The following CHRM2 variants were observed in gnomAD, a reference collection of about 807,000 sequenced individuals.
CHRM2 encodes the protein muscarinic acetylcholine receptor M2.
In CHRM2, 8 loss-of-function variants were observed where a neutral mutation model predicts 25.0. The observed-to-expected ratio is 0.32, with a 90% confidence interval of 0.19 to 0.58. The LOEUF (loss-of-function observed/expected upper bound fraction) is 0.58. Among genes scored for constraint, CHRM2 ranks in the 20% least tolerant of loss-of-function variants. The pLI is 0.88. For missense variants in CHRM2, 440 were observed against 567.1 expected, an observed-to-expected ratio of 0.78 and a Z score of 2.28; for synonymous variants, 202 against 205.7, an observed-to-expected ratio of 0.98 and a Z score of 0.15.
intron 3 of CHRM2, among the ~76,000 whole-genome samples, chr7:137,000,547 A>G (rs9770528): frequency 1.5e-3 from 143 of 95,166 alleles, no homozygotes; most frequent in Non-Finnish European, 2.5e-3. Context: ...AAAGAAAGAA[A>G]GAAGGAAGGA....
chr7:136,895,373 AT>A (rs1436824896), intron 2 of CHRM2, among the ~76,000 whole-genome samples: 1 of 152,062 alleles, frequency 6.6e-6, no homozygotes, highest in Non-Finnish European at 1.5e-5. Flanking sequence ...CAGTTACCCA[AT>A]TTTTCTTCTC....
chr7:136,950,224 T>C (rs917659948), intron 2 of CHRM2, among the ~76,000 whole-genome samples: 1 of 152,228 alleles, frequency 6.6e-6, no homozygotes, highest in Non-Finnish European at 1.5e-5. Flanking sequence ...TAAGATCATC[T>C]CATTAAATGT....
At chr7:137,000,293 G>A (rs1803911143) in intron 3 of CHRM2, among the ~76,000 whole-genome samples, 1 of 139,024 alleles carries the variant, frequency 7.2e-6, no homozygotes, top group African/African-American at 2.7e-5. Context: ...CCACCTCCCA[G>A]GTTCAAGTGA....
At chr7:136,954,276 G>C (rs1800590187) in intron 2 of CHRM2, among the ~76,000 whole-genome samples, 1 of 152,098 alleles carries the variant, frequency 6.6e-6, no homozygotes, top group Non-Finnish European at 1.5e-5. Context: ...ATTTTAAAAA[G>C]TTGGTGGTCT....
chr7:136,888,258 C>G (rs369151914), intron 2 of CHRM2, among the ~76,000 whole-genome samples: 3 of 152,316 alleles, frequency 2.0e-5, no homozygotes, highest in African/African-American at 7.2e-5. Flanking sequence ...GCCTTATTGT[C>G]TTAAAATAGA....
chr7:137,015,420 T>C lies in CHRM2; in HGVS notation c.555T>C (p.Ala185=), dbSNP rs1209802230. Residue 185 remains alanine (A), a synonymous_variant, in exon 4 of 4, where the codon GCT becomes GCC. Transcript: ENST00000680005. This position sits in a 1 kb window ranked among gnomAD's most constrained non-coding sequence, Gnocchi z 5.1. ...ECYIQFFSNA[A]VTFGTAIAAF... is the part of the protein sequence containing the mutation. ...ACATTCAGTTTTTTTCCAATGCTGC[T>C]GTCACCTTTGGTACGGCTATTGCAG... is the stretch of plus-strand genomic sequence containing the variant. 1 of 1,613,504 alleles carries C rather than the reference T, an allele frequency of 6.2e-7. No individual in the cohort carries two copies. Among genetic ancestry groups the C allele is most frequent in the East Asian group, 2.2e-5 (1 of 44,788 alleles).
chr7:136,875,006 A>C (rs1292137320), intron 2 of CHRM2, among the ~76,000 whole-genome samples: 1 of 147,644 alleles, frequency 6.8e-6, no homozygotes, highest in Non-Finnish European at 1.5e-5. Context: ...TTTAGAATGG[A>C]AACATTTTTC....
intron 2 of CHRM2, chr7:136,907,986 C>A (rs898205843): frequency 5.3e-5 from 8 of 151,766 alleles, no homozygotes; most frequent in Admixed American, 6.6e-5. Context: ...TTGGAGATGT[C>A]ATGAAAGATT....
At chr7:136,981,539 G>A (rs1035241440) in intron 2 of CHRM2, among the ~76,000 whole-genome samples, 8 of 152,112 alleles carry the variant, frequency 5.3e-5, no homozygotes, top group Non-Finnish European at 1.2e-4. Context: ...TAATTGTGAT[G>A]TTAGGGTATC....
At chr7:136,931,003 C>A (rs1799071290) in intron 2 of CHRM2, among the ~76,000 whole-genome samples, 1 of 149,978 alleles carries the variant, frequency 6.7e-6, no homozygotes, top group Non-Finnish European at 1.5e-5. Context: ...GGATGTCAGT[C>A]ACAGGAACAG....
At chr7:136,985,329 A>G (rs324628) in intron 2 of CHRM2, among the ~76,000 whole-genome samples, 137,131 of 151,526 alleles carry the variant, frequency 0.91, 62,368 homozygotes, top group Middle Eastern at 0.98. Flanking sequence ...GACCAACATG[A>G]TGAAACCCCG....
At position 136,986,577 on chromosome 7, in the gene CHRM2, A is replaced by C. The variant is rs527728739; in HGVS notation, c.-124-5610A>C. Among the ~76,000 whole-genome samples the C allele has an allele frequency of 7.7e-4, 118 of 152,298 alleles. 1 individual carries two copies. The Middle Eastern group carries it at 0.01, about 13-fold the overall frequency. On this transcript the variant is annotated intron_variant, in intron 2 of 3. Transcript: ENST00000680005. Reference sequence around the variant, plus strand: ...TCTCACATGTTGGGTTCATCAATTAAGATATATTTGGGCAATTAGCATCAA... The same window carrying C: ...TCTCACATGTTGGGTTCATCAATTACGATATATTTGGGCAATTAGCATCAA...
At chr7:136,984,801 T>A (rs1189914804) in intron 2 of CHRM2, among the ~76,000 whole-genome samples, 1 of 151,698 alleles carries the variant, frequency 6.6e-6, no homozygotes, top group Non-Finnish European at 1.5e-5. Context: ...CTCAATGAAA[T>A]GAATCTGGTA....
chr7:136,996,910 G>A (rs191810754), intron 3 of CHRM2, among the ~76,000 whole-genome samples: 2 of 152,292 alleles, frequency 1.3e-5, no homozygotes, highest in Non-Finnish European at 2.9e-5. Flanking sequence ...TTTGAGCCAA[G>A]ATTTAAAAAT....
Position 137,015,144 on chromosome 7 carries a change from T to C in CHRM2, c.279T>C (p.Pro93=). ...TGATTGGTTACTGGCCTTTGGGACC[T>C]GTGGTGTGTGACCTTTGGCTAGCCC... is the stretch of plus-strand genomic sequence containing the variant. ...YTVIGYWPLG[P]VVCDLWLALD... Residue 93 remains proline, a synonymous_variant, in exon 4 of 4, where the codon CCT becomes CCC. Coordinates refer to ENST00000680005, the MANE Select transcript of CHRM2 (RefSeq NM_001006630.2). This position sits in a 1 kb window ranked among gnomAD's most constrained non-coding sequence, Gnocchi z 5.1. 1 of 1,613,582 alleles carries C rather than the reference T, an allele frequency of 6.2e-7. No individual in the cohort carries two copies. The highest frequency in any genetic ancestry group is 1.1e-5 in the South Asian group (1 of 91,082).
At chr7:136,987,571 C>A (rs1366311689) in intron 2 of CHRM2, among the ~76,000 whole-genome samples, 1 of 152,204 alleles carries the variant, frequency 6.6e-6, no homozygotes, top group African/African-American at 2.4e-5. Flanking sequence ...GTTGCAGATA[C>A]AAACCCTCAA....
chr7:136,968,088 A>G (rs1203785379), intron 2 of CHRM2, among the ~76,000 whole-genome samples: 1 of 152,080 alleles, frequency 6.6e-6, no homozygotes, highest in East Asian at 1.9e-4. Flanking sequence ...TATGTCATAT[A>G]CAATGTGTTG....
chr7:136,994,516 C>CTTTTTTTTT (rs1803447342), intron 3 of CHRM2, among the ~76,000 whole-genome samples: 1 of 84,252 alleles, frequency 1.2e-5, no homozygotes, highest in African/African-American at 4.9e-5. Flanking sequence ...CTCTTTTTTT[C>CTTTTTTTTT]TTTTCTTTTT....
intron 2 of CHRM2, among the ~76,000 whole-genome samples, chr7:136,967,412 G>T (rs1801488571): frequency 6.6e-6 from 1 of 151,906 alleles, no homozygotes; most frequent in African/African-American, 2.4e-5. Flanking sequence ...TACTGTATTT[G>T]AGTCAAAATT....
Sources: gnomAD v4.1 joint callset for allele counts (sites outside exome capture counted in the v4.1 genomes callset) on GRCh38, gnomAD v4.1.1 for gene constraint, Gnocchi (gnomAD v3.1) non-coding constraint, MANE v1.5 for transcripts, NCBI Gene and HGNC (gene_info 2026-07-23, HGNC 2026-07-21) for gene names.